AOPEP: variants seen among roughly 807,000 people sequenced by gnomAD.
AOPEP encodes the protein aminopeptidase O (putative).
Under a neutral mutation model 98.1 loss-of-function variants are expected in AOPEP, and 77 were observed. The ratio of observed to expected loss-of-function variants is 0.78; its 90% CI spans 0.65 to 0.95. AOPEP has a LOEUF of 0.95. AOPEP is among the 40% of genes least tolerant of loss of function. The pLI is 0.00. For missense variants in AOPEP, 1,024 were observed against 1,024.7 expected (o/e 1.00, Z 0.01); for synonymous variants, 346 against 365.3 (o/e 0.95, Z 0.60).
At chr9:95,050,038 C>T (rs902136472) in intron 13 of AOPEP, among the ~76,000 whole-genome samples, 1 of 152,202 alleles carries the variant, frequency 6.6e-6, no homozygotes, top group African/African-American at 2.4e-5. Context: ...AAACTCATAG[C>T]AGTAAAGTGA....
chr9:94,765,567 A>G (rs1839410554), intron 2 of AOPEP, among the ~76,000 whole-genome samples: 1 of 150,854 alleles, frequency 6.6e-6, no homozygotes, highest in African/African-American at 2.4e-5. Context: ...GTGCCACTGC[A>G]CTCCAGCCTG....
intron 3 of AOPEP, among the ~76,000 whole-genome samples, chr9:94,781,103 T>C (rs1292392121): frequency 2.0e-5 from 3 of 152,180 alleles, no homozygotes; most frequent in Non-Finnish European, 4.4e-5. Context: ...TTTTTTTTTT[T>C]TAAAGAAGGC....
chr9:94,808,865 G>A (rs1196739268), intron 5 of AOPEP, among the ~76,000 whole-genome samples: 1 of 152,264 alleles, frequency 6.6e-6, no homozygotes, highest in African/African-American at 2.4e-5. Context: ...ACTGTGGTTG[G>A]CAGGTCCTAG....
chr9:95,148,445 T>G, the AOPEP span, among the ~76,000 whole-genome samples: 1 of 152,240 alleles, frequency 6.6e-6, no homozygotes, highest in African/African-American at 2.4e-5. Flanking sequence ...ATTAGCAAAG[T>G]GACTCAGTCC....
intron 5 of AOPEP, among the ~76,000 whole-genome samples, chr9:94,862,503 C>A (rs1297825596): frequency 6.6e-6 from 1 of 152,184 alleles, no homozygotes; most frequent in African/African-American, 2.4e-5. Flanking sequence ...TCCTTCCAGT[C>A]TCCTTGAACA....
chr9:95,128,198 T>C, the AOPEP span, among the ~76,000 whole-genome samples: 7 of 152,172 alleles, frequency 4.6e-5, no homozygotes, highest in Non-Finnish European at 8.8e-5. Flanking sequence ...ACGGAAAATA[T>C]AAAAGTTTCT....
chr9:94,972,223 T>G lies in AOPEP; in HGVS notation c.1916+4422T>G, dbSNP rs2059581573. Among the ~76,000 whole-genome samples, 1 of 152,182 alleles carries G rather than the reference T, an allele frequency of 6.6e-6. No individual in the cohort carries two copies. Among genetic ancestry groups the G allele is most frequent in the Admixed American group, 6.5e-5 (1 of 15,282 alleles). ...TTGTGAAAGTTGAGTCCGACCTTTC[T>G]TTCTTAGCCACTAAGTCACACTCTG... On this transcript the variant is annotated intron_variant, in intron 10 of 16. Transcript: ENST00000375315. The surrounding 1 kb of genome is among the most constrained non-coding windows in gnomAD (Gnocchi z 4.2).
chr9:95,111,218 G>A, the AOPEP span: 4 of 1,536,358 alleles, frequency 2.6e-6, no homozygotes, highest in African/African-American at 4.1e-5. Flanking sequence ...GGGGAAGAAG[G>A]GTCTTCGTTT....
intron 14 of AOPEP, among the ~76,000 whole-genome samples, chr9:95,079,710 G>A (rs1259805405): frequency 1.3e-5 from 2 of 152,226 alleles, no homozygotes; most frequent in Non-Finnish European, 1.5e-5. Flanking sequence ...CACTGTGTCC[G>A]GAGATTTGAA....
chr9:94,929,215 G>C (rs1203632187), intron 7 of AOPEP, among the ~76,000 whole-genome samples: 1 of 152,204 alleles, frequency 6.6e-6, no homozygotes, highest in Non-Finnish European at 1.5e-5. Flanking sequence ...TTCCACTAGA[G>C]TCAGATGTTG....
the AOPEP span, chr9:95,107,630 CAATT>C: frequency 2.5e-6 from 1 of 402,078 alleles, no homozygotes; most frequent in Non-Finnish European, 4.7e-6. Flanking sequence ...AGCCACAAAT[CAATT>C]AAAGCCCCAC....
intron 5 of AOPEP, among the ~76,000 whole-genome samples, chr9:94,830,829 G>A (rs1472794824): frequency 6.6e-6 from 1 of 152,028 alleles, no homozygotes. Flanking sequence ...TTTCATGTTT[G>A]TTGGCTGCAC....
At chr9:94,919,829 T>C (rs1379278676) in intron 5 of AOPEP, among the ~76,000 whole-genome samples, 1 of 152,176 alleles carries the variant, frequency 6.6e-6, no homozygotes, top group African/African-American at 2.4e-5. Flanking sequence ...CCTGCTGGAC[T>C]TTAGAGGGCA....
At chr9:94,793,812 T>G (rs1032078479) in intron 4 of AOPEP, among the ~76,000 whole-genome samples, 1 of 152,224 alleles carries the variant, frequency 6.6e-6, no homozygotes, top group Admixed American at 6.5e-5. Flanking sequence ...TTATATGTGT[T>G]TGGCTAAATT....
the AOPEP span, among the ~76,000 whole-genome samples, chr9:95,097,363 C>T: frequency 2.6e-5 from 4 of 152,318 alleles, no homozygotes; most frequent in South Asian, 4.1e-4. Flanking sequence ...TACCCAATAA[C>T]GTTAAAGAAG....
the AOPEP span, among the ~76,000 whole-genome samples, chr9:95,136,777 C>G: frequency 6.6e-6 from 1 of 152,352 alleles, no homozygotes; most frequent in Admixed American, 6.5e-5. Flanking sequence ...AGCCCCACTA[C>G]TCCCCAGACA....
intron 3 of AOPEP, among the ~76,000 whole-genome samples, chr9:94,782,256 G>A (rs1259432068): frequency 1.3e-5 from 2 of 152,124 alleles, no homozygotes; most frequent in African/African-American, 4.8e-5. Flanking sequence ...GAAGCCTCAA[G>A]TAAATGAAGA....
At chr9:94,839,263 T>G (rs1034305961) in intron 5 of AOPEP, among the ~76,000 whole-genome samples, 2 of 151,602 alleles carry the variant, frequency 1.3e-5, no homozygotes, top group Admixed American at 1.3e-4. Context: ...TTTTTTGTAT[T>G]TTTTTTTGGT....
rs1198674076 is a variant in AOPEP at position 94,759,929 on chromosome 9, A to G, written c.146A>G (p.Asp49Gly). ...IEGTIVLFLE[D>G]GNRFKKQNSS... is the part of the protein sequence containing the mutation. ...GGGACCATAGTGCTTTTCCTCGAGG[A>G]TGGAAACAGATTCAAGAAACAGAAT... The change falls in exon 2 of 17, where the codon GAT becomes GGT. Residue 49 changes from aspartate (D) to glycine (G), a missense_variant. Asp to Gly is a moderately conservative substitution (Grantham distance 94, BLOSUM62 -1). Coordinates refer to ENST00000375315, the MANE Select transcript of AOPEP (RefSeq NM_001193329.3). 6.2e-7 allele frequency: 1 copy of G among 1,614,070 alleles called. No individual in the cohort carries two copies. Among genetic ancestry groups the G allele is most frequent in the Non-Finnish European group, 8.5e-7 (1 of 1,180,050 alleles).
Sources: gnomAD v4.1 joint callset for allele counts (sites outside exome capture counted in the v4.1 genomes callset) on GRCh38, gnomAD v4.1.1 for gene constraint, Gnocchi (gnomAD v3.1) non-coding constraint, MANE v1.5 for transcripts, NCBI Gene and HGNC (gene_info 2026-07-23, HGNC 2026-07-21) for gene names.